SPECC1: variants seen among roughly 807,000 people sequenced by gnomAD.
SPECC1 encodes the protein cytospin-B.
SPECC1 carries 62 observed loss-of-function variants against 104.1 expected under a neutral mutation model. The ratio of observed to expected loss-of-function variants is 0.60; its 90% CI spans 0.49 to 0.74. The LOEUF is 0.74. Among genes scored for constraint, SPECC1 ranks in the 30% least tolerant of loss-of-function variants. SPECC1 has a pLI of 0.00. For missense variants in SPECC1, 1,306 were observed against 1,310.5 expected (o/e 1.00, Z 0.05); for synonymous variants, 513 against 501.6 (o/e 1.02, Z -0.30).
intron 1 of SPECC1, among the ~76,000 whole-genome samples, chr17:20,018,295 G>T (rs1345101586): frequency 6.6e-6 from 1 of 152,106 alleles, no homozygotes; most frequent in Non-Finnish European, 1.5e-5. Flanking sequence ...GTTGGCCATC[G>T]GCACTCTTGT....
chr17:20,067,710 ATTCAC>A (rs1235525062), intron 1 of SPECC1, among the ~76,000 whole-genome samples: 1 of 152,056 alleles, frequency 6.6e-6, no homozygotes, highest in Non-Finnish European at 1.5e-5. Flanking sequence ...GATAACATGT[ATTCAC>A]TTATATTCAC....
chr17:20,258,461 C>T (rs1281369830), intron 11 of SPECC1, among the ~76,000 whole-genome samples: 1 of 152,176 alleles, frequency 6.6e-6, no homozygotes. Flanking sequence ...TGTGACTTCC[C>T]TGCTTCTCTG....
At chr17:20,195,612 T>C (rs561909017) in intron 3 of SPECC1, among the ~76,000 whole-genome samples, 1 of 151,476 alleles carries the variant, frequency 6.6e-6, no homozygotes, top group African/African-American at 2.4e-5. Flanking sequence ...GTCTGGAGTG[T>C]AGTGACGCTA....
At chr17:20,295,014 C>CTAT (rs34174703) in intron 12 of SPECC1, among the ~76,000 whole-genome samples, 66,843 of 149,132 alleles carry the variant, frequency 0.45, 15,328 homozygotes, top group East Asian at 0.8. Flanking sequence ...AGATTCCCAT[C>CTAT]TATTATTATT....
At chr17:20,239,197 T>C in intron 7 of SPECC1, 1 of 1,021,118 alleles carries the variant, frequency 9.8e-7, no homozygotes, top group Non-Finnish European at 1.2e-6. Context: ...GACATTTAAA[T>C]ATGAATAGAT....
chr17:20,231,267 A>C (rs1003654560), intron 5 of SPECC1, among the ~76,000 whole-genome samples: 2 of 152,138 alleles, frequency 1.3e-5, no homozygotes, highest in Admixed American at 1.3e-4. Context: ...GAAAAGCTTC[A>C]CCAGTGATTT....
At chr17:20,189,079 C>T (rs1471419172) in intron 3 of SPECC1, among the ~76,000 whole-genome samples, 1 of 152,166 alleles carries the variant, frequency 6.6e-6, no homozygotes, top group African/African-American at 2.4e-5. Flanking sequence ...AGGTGGTTCT[C>T]ACTTGCATCG....
intron 3 of SPECC1, among the ~76,000 whole-genome samples, chr17:20,118,482 G>A (rs926452110): frequency 8.5e-5 from 13 of 152,202 alleles, no homozygotes; most frequent in Non-Finnish European, 1.8e-4. Context: ...ATACAGGCAT[G>A]AAAATGAATA....
rs781522996 is a variant in SPECC1 at position 20,232,306 on chromosome 17, G to A, written c.2252G>A (p.Arg751Lys). 1.2e-6 allele frequency: 2 copies of A among 1,614,160 alleles called. No homozygotes were observed. The highest frequency in any genetic ancestry group is 4.5e-5 in the East Asian group (2 of 44,868). ...CAGCAGGAGCTGCGCACCGTGAAGA[G>A]GAAACTGCTGGAGGAGGAGGAGAAG... Reference protein sequence around the residue: ...EAQQELRTVKRKLLEEEEKNA... With the variant: ...EAQQELRTVKKKLLEEEEKNA... The change falls in exon 7 of 15, where the codon AGG (arginine) becomes AAG (lysine). Residue 751 changes from arginine (R) to lysine (K), a missense_variant. Arg to Lys is a conservative substitution (Grantham distance 26). This residue lies in a region of SPECC1 where 1,177 missense variants were observed against 1,139.9 expected (regional missense o/e 1.03). Transcript: ENST00000395527.
chr17:20,255,149 A>G (rs1444068528), intron 10 of SPECC1, among the ~76,000 whole-genome samples: 2 of 152,104 alleles, frequency 1.3e-5, no homozygotes, highest in Admixed American at 6.5e-5. Context: ...TTTACGTGGG[A>G]CTCCAAGTCA....
intron 3 of SPECC1, among the ~76,000 whole-genome samples, chr17:20,165,138 C>T (rs968818826): frequency 3.9e-5 from 6 of 152,026 alleles, no homozygotes; most frequent in Admixed American, 3.3e-4. Context: ...ACAGATCAAC[C>T]CGTCACCTAG....
At chr17:20,107,581 C>G (rs1486806652) in intron 2 of SPECC1, among the ~76,000 whole-genome samples, 4 of 151,628 alleles carry the variant, frequency 2.6e-5, no homozygotes, top group African/African-American at 9.7e-5. Context: ...CTCAGCCTCC[C>G]GAGTAGCTGG....
chr17:20,276,691 C>CT (rs1487571681), intron 12 of SPECC1, among the ~76,000 whole-genome samples: 1 of 152,208 alleles, frequency 6.6e-6, no homozygotes, highest in Non-Finnish European at 1.5e-5. Context: ...GCCTGAGACT[C>CT]TGAGGGGTAA....
chr17:20,293,432 T>G (rs1006654908), intron 12 of SPECC1, among the ~76,000 whole-genome samples: 1 of 152,202 alleles, frequency 6.6e-6, no homozygotes, highest in African/African-American at 2.4e-5. Flanking sequence ...TTGATTCTGA[T>G]AGAAACACCC....
intron 9 of SPECC1, among the ~76,000 whole-genome samples, chr17:20,252,067 A>G (rs1031306774): frequency 6.6e-6 from 1 of 152,174 alleles, no homozygotes; most frequent in Non-Finnish European, 1.5e-5. Flanking sequence ...TAATGCTATG[A>G]TAACAGTTGT....
intron 10 of SPECC1, 26 bp from the exon 11 acceptor site, chr17:20,257,425 G>A (rs776637956): frequency 5.2e-6 from 8 of 1,547,000 alleles, no homozygotes; most frequent in East Asian, 2.3e-5. Context: ...CTTTGGGAAT[G>A]AGTGATTATG....
chr17:20,304,934 A>G (rs2041714516), intron 13 of SPECC1, among the ~76,000 whole-genome samples: 1 of 152,098 alleles, frequency 6.6e-6, no homozygotes. Context: ...AGAAGGAGGC[A>G]CAAAGCCCCC....
intron 4 of SPECC1, among the ~76,000 whole-genome samples, chr17:20,207,990 A>G (rs2036894417): frequency 6.6e-6 from 1 of 151,294 alleles, no homozygotes; most frequent in Non-Finnish European, 1.5e-5. Flanking sequence ...ACTTTTTTTT[A>G]TCCTTGGTTG....
intron 3 of SPECC1, among the ~76,000 whole-genome samples, chr17:20,162,614 A>G (rs1597853207): frequency 6.6e-6 from 1 of 152,338 alleles, no homozygotes; most frequent in South Asian, 2.1e-4. Context: ...AATTCTTCTT[A>G]ACCCTCCAAC....
Sources: allele counts gnomAD v4.1 joint callset (sites outside exome capture counted in the v4.1 genomes callset), GRCh38; gene constraint gnomAD v4.1.1; regional missense constraint gnomAD v4.1.1; transcripts MANE v1.5; gene names NCBI Gene and HGNC (gene_info 2026-07-23, HGNC 2026-07-21).